The following SCHIP1 variants were observed in gnomAD, a reference collection of about 807,000 sequenced individuals.
The protein encoded by SCHIP1 is schwannomin interacting protein 1, also known as schwannomin-interacting protein 1.
Under a neutral mutation model 29.7 loss-of-function variants are expected in SCHIP1, and 8 were observed. That is an observed-to-expected ratio of 0.27 (90% CI 0.16 to 0.49). The LOEUF is 0.49. Among genes scored for constraint, SCHIP1 ranks in the 20% least tolerant of loss-of-function variants. SCHIP1 has a pLI of 0.99. For synonymous variants in SCHIP1, 76 were observed against 94.9 expected, an observed-to-expected ratio of 0.80 and a Z score of 1.16; for missense variants, 193 against 294.6, an observed-to-expected ratio of 0.66 and a Z score of 2.52.
the SCHIP1 span, among the ~76,000 whole-genome samples, chr3:159,582,471 G>A: frequency 1.3e-4 from 20 of 152,042 alleles, no homozygotes; most frequent in Non-Finnish European, 2.4e-4. Context: ...CCATCTGAAG[G>A]CTCGGATGAT....
At chr3:159,817,295 G>A in the SCHIP1 span, among the ~76,000 whole-genome samples, 2 of 152,132 alleles carry the variant, frequency 1.3e-5, no homozygotes, top group Non-Finnish European at 2.9e-5. Flanking sequence ...AGAAAAGCAA[G>A]CAATGGGGTG....
At chr3:159,287,747 T>C in the SCHIP1 span, among the ~76,000 whole-genome samples, 1 of 152,208 alleles carries the variant, frequency 6.6e-6, no homozygotes, top group African/African-American at 2.4e-5. Flanking sequence ...ACAGAGATGC[T>C]AAGTAACTTT....
At chr3:159,713,315 T>C in the SCHIP1 span, among the ~76,000 whole-genome samples, 33 of 151,728 alleles carry the variant, frequency 2.2e-4, no homozygotes, top group South Asian at 6.7e-3. Flanking sequence ...AAAAAGGAAA[T>C]GCATCTTTGA....
the SCHIP1 span, among the ~76,000 whole-genome samples, chr3:159,555,933 G>A: frequency 3.3e-5 from 5 of 152,148 alleles, no homozygotes; most frequent in African/African-American, 1.2e-4. Flanking sequence ...GGAGGGCTAG[G>A]GGAGGGATAG....
the SCHIP1 span, among the ~76,000 whole-genome samples, chr3:159,356,558 T>C: frequency 6.6e-6 from 1 of 152,164 alleles, no homozygotes; most frequent in African/African-American, 2.4e-5. Flanking sequence ...CCCATTTTAG[T>C]ATGGAAGAAA....
the SCHIP1 span, among the ~76,000 whole-genome samples, chr3:159,651,848 C>T: frequency 6.6e-6 from 1 of 152,032 alleles, no homozygotes; most frequent in Admixed American, 6.6e-5. Flanking sequence ...AAGAATAGGT[C>T]CACTTTGGGA....
At chr3:159,441,590 T>C in the SCHIP1 span, among the ~76,000 whole-genome samples, 3 of 152,062 alleles carry the variant, frequency 2.0e-5, no homozygotes, top group Non-Finnish European at 4.4e-5. Flanking sequence ...GTGAAGTGCC[T>C]CTACCTGATG....
At chr3:159,637,362 C>T in the SCHIP1 span, among the ~76,000 whole-genome samples, 154 of 143,248 alleles carry the variant, frequency 1.1e-3, no homozygotes, top group Non-Finnish European at 1.8e-3. Context: ...AAAGAAACCC[C>T]GGCCCCAGCC....
At chr3:159,358,663 GA>G in the SCHIP1 span, among the ~76,000 whole-genome samples, 1 of 152,172 alleles carries the variant, frequency 6.6e-6, no homozygotes, top group Non-Finnish European at 1.5e-5. Context: ...AGACTTTGGA[GA>G]GTTTCAAAGA....
intron 1 of SCHIP1, among the ~76,000 whole-genome samples, chr3:159,851,631 A>T (rs201906540): frequency 1.3e-5 from 2 of 152,230 alleles, no homozygotes; most frequent in African/African-American, 4.8e-5. Context: ...AGGATTTAAC[A>T]TACACAGGGT....
the SCHIP1 span, among the ~76,000 whole-genome samples, chr3:159,785,831 A>G: frequency 0.073 from 11,130 of 152,278 alleles, 1,324 homozygotes; most frequent in African/African-American, 0.25. Flanking sequence ...CAAAAGAGCT[A>G]TCCATCACTG....
the SCHIP1 span, among the ~76,000 whole-genome samples, chr3:159,326,295 A>G: frequency 6.6e-6 from 1 of 152,168 alleles, no homozygotes; most frequent in Admixed American, 6.5e-5. Flanking sequence ...GTTAAATACT[A>G]TCTAATGAAT....
chr3:159,391,617 T>G, the SCHIP1 span, among the ~76,000 whole-genome samples: 1 of 152,202 alleles, frequency 6.6e-6, no homozygotes, highest in Non-Finnish European at 1.5e-5. Context: ...CTGTTCCTAA[T>G]AGCTGCACAA....
chr3:159,430,833 A>C, the SCHIP1 span, among the ~76,000 whole-genome samples: 1 of 152,144 alleles, frequency 6.6e-6, no homozygotes, highest in African/African-American at 2.4e-5. Flanking sequence ...AAGGGGGCCC[A>C]CATGCCCGTC....
At chr3:159,838,127 T>C (rs535458808), upstream of SCHIP1, among the ~76,000 whole-genome samples, 1 of 152,168 alleles carries the variant, frequency 6.6e-6, no homozygotes, top group African/African-American at 2.4e-5. Context: ...TTCTCCTCAC[T>C]AGGAAGGCTG....
At chr3:159,706,571 G>A in the SCHIP1 span, among the ~76,000 whole-genome samples, 1 of 152,194 alleles carries the variant, frequency 6.6e-6, no homozygotes, top group Non-Finnish European at 1.5e-5. Context: ...TACCAAACAT[G>A]AGGGGCACAC....
the SCHIP1 span, among the ~76,000 whole-genome samples, chr3:159,680,661 A>T: frequency 0.31 from 5,622 of 18,080 alleles, 536 homozygotes; most frequent in African/African-American, 0.38. Flanking sequence ...TGTATATATA[A>T]AATATATATT....
chr3:159,880,175 C>T (rs1716292888), intron 2 of SCHIP1, among the ~76,000 whole-genome samples: 1 of 152,128 alleles, frequency 6.6e-6, no homozygotes. Context: ...ACATAATGTC[C>T]TCCCCAGTCC....
the SCHIP1 span, among the ~76,000 whole-genome samples, chr3:159,656,940 C>T: frequency 6.6e-6 from 1 of 152,060 alleles, no homozygotes; most frequent in Admixed American, 6.5e-5. Context: ...ACCTGTTCAC[C>T]TACCTCCCTC....
Sources: gnomAD v4.1 joint callset for allele counts (sites outside exome capture counted in the v4.1 genomes callset) on GRCh38, gnomAD v4.1.1 for gene constraint, MANE v1.5 for transcripts, NCBI Gene and HGNC (gene_info 2026-07-23, HGNC 2026-07-21) for gene names.